Variants in LTBP1 observed in about 807,000 individuals in gnomAD.
LTBP1 encodes the protein latent transforming growth factor beta binding protein 1, also known as latent-transforming growth factor beta-binding protein 1.
A neutral mutation model predicts 207.6 loss-of-function variants in LTBP1; 129 were observed. That is an observed-to-expected ratio of 0.62 (90% confidence interval 0.54 to 0.72). LTBP1 has a LOEUF of 0.72. Among genes scored for constraint, LTBP1 ranks in the 30% least tolerant of loss-of-function variants. The pLI is 0.00. For synonymous variants in LTBP1, 963 were observed against 833.7 expected (o/e 1.16, Z -2.67); for missense variants, 2,281 against 2,217.2 (o/e 1.03, Z -0.58).
intron 3 of LTBP1, among the ~76,000 whole-genome samples, chr2:33,049,416 T>A (rs1487534056): frequency 2.6e-5 from 4 of 152,330 alleles, no homozygotes; most frequent in African/African-American, 9.6e-5. Flanking sequence ...TTTGCATCAA[T>A]GTGTCTTTTT....
At position 33,397,201 on chromosome 2, in the gene LTBP1, C is replaced by G. The variant is rs760703389; in HGVS notation, c.4903C>G (p.Arg1635Gly). The G allele has an allele frequency of 3.1e-6, 5 of 1,613,966 alleles. No homozygotes were observed. The African/African-American group carries it at 6.7e-5, about 22-fold the overall frequency. Reference protein sequence around the residue: ...CGILNGCENGRCVRVQEGYTC... With the variant: ...CGILNGCENGGCVRVQEGYTC... ...CATCCTCAATGGATGTGAAAATGGT[C>G]GCTGTGTGAGGGTCCAGGAAGGTTA... The change falls in exon 33 of 34, where the codon CGC becomes GGC. Residue 1635 changes from arginine to glycine, a missense_variant. Physicochemically the swap from Arg to Gly is moderately radical, Grantham distance 125. Coordinates refer to ENST00000404816, the MANE Select transcript of LTBP1 (RefSeq NM_206943.4).
chr2:33,366,180 C>T (rs955981637), intron 31 of LTBP1, among the ~76,000 whole-genome samples: 1 of 152,166 alleles, frequency 6.6e-6, no homozygotes, highest in African/African-American at 2.4e-5. Context: ...GAGTTGTGCA[C>T]TGATTGCTAA....
intron 3 of LTBP1, among the ~76,000 whole-genome samples, chr2:33,087,084 C>CTTTTTTT (rs35334788): frequency 0.014 from 1,205 of 88,706 alleles, 83 homozygotes; most frequent in Middle Eastern, 0.022. Context: ...CTCCTTTATG[C>CTTTTTTT]TTTTTTTTTT....
rs114498638 is a variant in LTBP1, at chr2:33,098,001, G to A, written c.864-12581G>A. On this transcript the variant is annotated intron_variant, in intron 3 of 33. Transcript: ENST00000404816. ...GATTAGTAGGTCAATGAGTACATCA[G>A]TTTTTGATTTAACTTTTTACAGATT... Among the ~76,000 whole-genome samples, 645 of 152,250 alleles carry A rather than the reference G, an allele frequency of 4.2e-3. 5 individuals carry two copies. The highest frequency in any genetic ancestry group is 0.014 in the African/African-American group (594 of 41,552).
intron 7 of LTBP1, among the ~76,000 whole-genome samples, chr2:33,203,431 A>T (rs2089540111): frequency 6.6e-6 from 1 of 152,214 alleles, no homozygotes; most frequent in Admixed American, 6.5e-5. Flanking sequence ...ATCAAAATAT[A>T]GATTCTTAGA....
chr2:33,351,028 C>A (rs72861407), intron 26 of LTBP1, among the ~76,000 whole-genome samples: 8,751 of 152,112 alleles, frequency 0.058, 282 homozygotes, highest in Middle Eastern at 0.12. Context: ...CACTTTAAGA[C>A]AAGCAAACAA....
At chr2:33,396,154 T>TA (rs897658857) in intron 32 of LTBP1, among the ~76,000 whole-genome samples, 17 of 147,476 alleles carry the variant, frequency 1.2e-4, no homozygotes, top group South Asian at 8.4e-4. Context: ...TTTGTTTCCT[T>TA]AAAAAAAAAC....
chr2:33,378,853 C>T (rs1469120724), intron 31 of LTBP1, among the ~76,000 whole-genome samples: 1 of 152,206 alleles, frequency 6.6e-6, no homozygotes, highest in Non-Finnish European at 1.5e-5. Flanking sequence ...TTTTATTCTC[C>T]TTTTATGCCG....
At chr2:33,024,970 G>A (rs944898162) in intron 3 of LTBP1, among the ~76,000 whole-genome samples, 1 of 152,238 alleles carries the variant, frequency 6.6e-6, no homozygotes, top group Non-Finnish European at 1.5e-5. Context: ...TTTCATGGCT[G>A]TTGGCAGGAG....
chr2:33,334,965 G>C (rs1301980894), intron 24 of LTBP1, among the ~76,000 whole-genome samples: 1 of 151,192 alleles, frequency 6.6e-6, no homozygotes, highest in African/African-American at 2.4e-5. Flanking sequence ...TGTGGTCCCA[G>C]CTATTTGAGA....
At chr2:33,276,004 C>T (rs1052926524) in intron 18 of LTBP1, 81 bp downstream of exon 18, 47 of 1,484,062 alleles carry the variant, frequency 3.2e-5, no homozygotes, top group Non-Finnish European at 1.8e-5. Context: ...TTGTTTCCTT[C>T]CCACACTCAG....
intron 3 of LTBP1, among the ~76,000 whole-genome samples, chr2:33,075,238 G>A (rs1207786164): frequency 6.6e-6 from 1 of 152,154 alleles, no homozygotes; most frequent in Admixed American, 6.5e-5. Flanking sequence ...AAGATGTCAA[G>A]GAAAAATTAG....
At chr2:33,091,332 CATAGATA>C (rs1338324131) in intron 3 of LTBP1, among the ~76,000 whole-genome samples, 1 of 152,068 alleles carries the variant, frequency 6.6e-6, no homozygotes, top group Non-Finnish European at 1.5e-5. Flanking sequence ...GCAGCTTAAG[CATAGATA>C]TTGTGTTAAT....
intron 3 of LTBP1, among the ~76,000 whole-genome samples, chr2:33,082,445 T>A (rs1268182788): frequency 2.3e-5 from 3 of 131,618 alleles, no homozygotes; most frequent in East Asian, 2.2e-4. Context: ...TTTTTTTTTT[T>A]TTTTTTTTTT....
intron 28 of LTBP1, among the ~76,000 whole-genome samples, chr2:33,362,037 A>C (rs1435530206): frequency 6.6e-6 from 1 of 152,182 alleles, no homozygotes. Flanking sequence ...CAAAGTAGAC[A>C]TGTTTTATGT....
chr2:33,343,055 G>T, intron 25 of LTBP1, 92 bp downstream of exon 25: 9 of 1,377,538 alleles, frequency 6.5e-6, no homozygotes, highest in Non-Finnish European at 8.8e-6. Flanking sequence ...CAGGTAATTT[G>T]GGTAGAGCTT....
intron 26 of LTBP1, among the ~76,000 whole-genome samples, chr2:33,349,039 A>G (rs984445857): frequency 8.5e-5 from 13 of 152,238 alleles, no homozygotes; most frequent in African/African-American, 3.1e-4. Context: ...CTTCAGCAGA[A>G]GCCTTCTGTC....
At chr2:33,293,995 CTTTTTTTTTT>C (rs71409607) in intron 20 of LTBP1, among the ~76,000 whole-genome samples, 3 of 48,808 alleles carry the variant, frequency 6.1e-5, no homozygotes, top group Non-Finnish European at 1.1e-4. Context: ...TGGTACAGGT[CTTTTTTTTTT>C]TTTTTTTTTT....
At chr2:33,390,490 C>G (rs1316627958) in intron 32 of LTBP1, among the ~76,000 whole-genome samples, 1 of 149,564 alleles carries the variant, frequency 6.7e-6, no homozygotes, top group Non-Finnish European at 1.5e-5. Flanking sequence ...AGCTTCACCA[C>G]AAATTTTTTT....
Sources: allele counts gnomAD v4.1 joint callset (sites outside exome capture counted in the v4.1 genomes callset), GRCh38; gene constraint gnomAD v4.1.1; transcripts MANE v1.5; gene names NCBI Gene and HGNC (gene_info 2026-07-23, HGNC 2026-07-21).